COBLL1: variants seen among roughly 807,000 people sequenced by gnomAD.
COBLL1 encodes the protein cordon-bleu WH2 repeat protein like 1.
Under a neutral mutation model 94.8 loss-of-function variants are expected in COBLL1, and 50 were observed. That is an observed-to-expected ratio of 0.53 (90% CI 0.42 to 0.67). The LOEUF (loss-of-function observed/expected upper bound fraction) is 0.67. Ranked by LOEUF, COBLL1 falls within the 30% of genes least tolerant of loss-of-function variation. The pLI is 0.00. For synonymous variants in COBLL1, 448 were observed against 473.8 expected (o/e 0.95, Z 0.71); for missense variants, 1,362 against 1,348.7 (o/e 1.01, Z -0.15).
At position 164,695,198 on chromosome 2, in the gene COBLL1, T is replaced by A; in HGVS notation, c.2194A>T (p.Thr732Ser). The A allele has an allele frequency of 6.2e-7, 1 of 1,614,002 alleles. No individual in the cohort carries two copies. Among genetic ancestry groups the A allele is most frequent in the Non-Finnish European group, 8.5e-7 (1 of 1,179,950 alleles). ...TREYIPKIGMTTYKIVPPKSL... is the reference protein window; with the variant it reads ...TREYIPKIGMSTYKIVPPKSL... ...TTGGGAGGCACTATTTTATAAGTAG[T>A]CATGCCAATTTTGGGTATATACTCT... The change falls in exon 12 of 14, where the codon ACT becomes TCT. Residue 732 changes from threonine (T) to serine (S), a missense_variant. By Grantham distance (58) the Thr-to-Ser change is moderately conservative. Coordinates refer to ENST00000652658, the MANE Select transcript of COBLL1 (RefSeq NM_001365672.2).
At chr2:164,690,987 G>T (rs1683560565) in intron 13 of COBLL1, among the ~76,000 whole-genome samples, 1 of 152,094 alleles carries the variant, frequency 6.6e-6, no homozygotes, top group Non-Finnish European at 1.5e-5. Context: ...AATATTAAAA[G>T]CTATACCAAA....
intron 2 of COBLL1, among the ~76,000 whole-genome samples, chr2:164,770,198 C>G (rs929097247): frequency 2.0e-5 from 3 of 152,074 alleles, no homozygotes; most frequent in African/African-American, 7.2e-5. Flanking sequence ...AAACCCATTT[C>G]TTTCTCCTAT....
chr2:164,817,531 C>T (rs1684829726), intron 2 of COBLL1, among the ~76,000 whole-genome samples: 1 of 152,122 alleles, frequency 6.6e-6, no homozygotes, highest in South Asian at 2.1e-4. Flanking sequence ...ACGTTCTCCT[C>T]ACGCTACGTT....
At chr2:164,725,135 A>ATATATATATATATATATAT (rs1558956204) in intron 5 of COBLL1, 54 of 57,160 alleles carry the variant, frequency 9.4e-4, no homozygotes, top group African/African-American at 3.3e-3. Flanking sequence ...TATATATATA[A>ATATATATATATATATATAT]AATGAAAGCA....
intron 13 of COBLL1, chr2:164,687,216 T>C: frequency 2.8e-6 from 1 of 358,824 alleles, no homozygotes; most frequent in South Asian, 5.9e-5. Flanking sequence ...TTTCTTTCTT[T>C]TTTTTTTTTT....
intron 2 of COBLL1, among the ~76,000 whole-genome samples, chr2:164,660,641 A>G (rs1014338805): frequency 6.6e-6 from 1 of 152,158 alleles, no homozygotes; most frequent in African/African-American, 2.4e-5. Flanking sequence ...TCAATTTGTA[A>G]TCAAGAGTTG....
downstream of COBLL1, among the ~76,000 whole-genome samples, chr2:164,679,402 G>C (rs1045645803): frequency 6.6e-6 from 1 of 151,940 alleles, no homozygotes; most frequent in Non-Finnish European, 1.5e-5. Flanking sequence ...GATTAGAAAC[G>C]TAATTTATGA....
At chr2:164,757,368 T>A (rs1687464349) in intron 2 of COBLL1, among the ~76,000 whole-genome samples, 1 of 152,154 alleles carries the variant, frequency 6.6e-6, no homozygotes, top group Non-Finnish European at 1.5e-5. Context: ...ATAAAACATA[T>A]CTTAAAAGTA....
intron 2 of COBLL1, among the ~76,000 whole-genome samples, chr2:164,753,588 G>T (rs1418211594): frequency 6.6e-6 from 1 of 151,174 alleles, no homozygotes; most frequent in Non-Finnish European, 1.5e-5. Context: ...CAATATGGCG[G>T]CCATGTAGCT....
intron 3 of COBLL1, 151 bp from the exon 4 acceptor site, chr2:164,730,266 G>C: frequency 1.4e-6 from 1 of 691,886 alleles, no homozygotes; most frequent in Non-Finnish European, 2.4e-6. Context: ...AAGGCAGGAG[G>C]ACTGCTTGAG....
chr2:164,840,516 C>A (rs778753215), intron 2 of COBLL1, among the ~76,000 whole-genome samples: 32 of 151,630 alleles, frequency 2.1e-4, no homozygotes, highest in South Asian at 1.2e-3. Context: ...CACCATGTGA[C>A]AGCCCCCTTC....
At chr2:164,732,145 T>C (rs1458039235) in intron 3 of COBLL1, among the ~76,000 whole-genome samples, 2 of 152,258 alleles carry the variant, frequency 1.3e-5, no homozygotes, top group East Asian at 3.9e-4. Context: ...ATTACTTGTA[T>C]ATATATAAAG....
intron 2 of COBLL1, among the ~76,000 whole-genome samples, chr2:164,763,012 T>A (rs1281798036): frequency 6.6e-6 from 1 of 152,096 alleles, no homozygotes; most frequent in Admixed American, 6.5e-5. Context: ...CATCCTTTTT[T>A]AAAAAAATAA....
intron 2 of COBLL1, among the ~76,000 whole-genome samples, chr2:164,834,275 C>T (rs563262889): frequency 6.6e-6 from 1 of 152,232 alleles, no homozygotes; most frequent in East Asian, 1.9e-4. Flanking sequence ...TAGGCACATT[C>T]GTTTCTAAAT....
intron 2 of COBLL1, among the ~76,000 whole-genome samples, chr2:164,750,523 C>A (rs1306687038): frequency 6.6e-6 from 1 of 152,144 alleles, no homozygotes; most frequent in Non-Finnish European, 1.5e-5. Flanking sequence ...CTTTTCTTGC[C>A]CAAACTGCTT....
chr2:164,742,378 A>T (rs549754348), intron 3 of COBLL1, among the ~76,000 whole-genome samples: 21 of 151,438 alleles, frequency 1.4e-4, no homozygotes, highest in African/African-American at 3.9e-4. Context: ...AGGAAAAATT[A>T]AAAAAAAATA....
intron 13 of COBLL1, among the ~76,000 whole-genome samples, chr2:164,689,135 A>G (rs1264283019): frequency 1.3e-5 from 2 of 152,132 alleles, no homozygotes; most frequent in Non-Finnish European, 2.9e-5. Flanking sequence ...AGTAGGGGTA[A>G]GGTATGCAAA....
At position 164,770,728 on chromosome 2, in the gene COBLL1, T is replaced by C. The variant is rs915490954; in HGVS notation, c.42-26853A>G. Among the ~76,000 whole-genome samples, 19 of 152,246 alleles carry C rather than the reference T, an allele frequency of 1.2e-4. No individual in the cohort carries two copies. In the South Asian group the frequency reaches 2.7e-3, roughly 22 times the overall value. ...TTTATACAAACTTTCCCTGAGGAAA[T>C]AGGTGGACCTAGAAACAAAGGCATA... is the stretch of plus-strand genomic sequence containing the variant. On this transcript the variant is annotated intron_variant, in intron 2 of 13. Coordinates refer to ENST00000652658, the MANE Select transcript of COBLL1 (RefSeq NM_001365672.2).
rs35800213 is a variant in COBLL1 at position 164,817,724 on chromosome 2, T to C, written c.41+23432A>G. Among the ~76,000 whole-genome samples, 202 of 152,208 alleles carry C rather than the reference T, an allele frequency of 1.3e-3. 1 individual carries two copies. Among genetic ancestry groups the C allele is most frequent in the Middle Eastern group, 3.4e-3 (1 of 294 alleles). On this transcript the variant is annotated intron_variant, in intron 2 of 13. Coordinates refer to ENST00000652658, the MANE Select transcript of COBLL1 (RefSeq NM_001365672.2). ...TCCTGGGATAGGATCTACTTATTCT[T>C]CAAGGTCAGCGCAACAGTTCCCTCT...
Sources: gnomAD v4.1 joint callset for allele counts (sites outside exome capture counted in the v4.1 genomes callset) on GRCh38, gnomAD v4.1.1 for gene constraint, MANE v1.5 for transcripts, NCBI Gene and HGNC (gene_info 2026-07-23, HGNC 2026-07-21) for gene names.